The following AS3MT variants were observed in gnomAD, a reference collection of about 807,000 sequenced individuals.
The protein encoded by AS3MT is arsenite methyltransferase.
Under a neutral mutation model 45.3 loss-of-function variants are expected in AS3MT, and 47 were observed. The observed-to-expected ratio is 1.04, with a 90% CI of 0.82 to 1.32. AS3MT has a LOEUF of 1.32. Ranked by LOEUF, AS3MT falls within the 40% of genes most tolerant of loss-of-function variation. The pLI is 0.00. For synonymous variants in AS3MT, 141 were observed against 152.8 expected (o/e 0.92, Z 0.57); for missense variants, 396 against 451.1 (o/e 0.88, Z 1.11).
At position 102,872,611 on chromosome 10, in the gene AS3MT, T is replaced by C; in HGVS notation, c.321+13T>C. ...GACCAAAGGCCAGGTGAGGCATGAT[T>C]TGGAAGACAAGGAGAAAAAGATTCT... On this transcript the variant is annotated intron_variant, in intron 4 of 10. Coordinates refer to ENST00000369880, the MANE Select transcript of AS3MT (RefSeq NM_020682.4). 6.3e-7 allele frequency: 1 copy of C among 1,579,264 alleles called. No homozygotes were observed. Among genetic ancestry groups the C allele is most frequent in the Non-Finnish European group, 8.6e-7 (1 of 1,167,688 alleles).
At chr10:102,883,395 C>T (rs1844898154) in intron 9 of AS3MT, among the ~76,000 whole-genome samples, 1 of 151,886 alleles carries the variant, frequency 6.6e-6, no homozygotes, top group South Asian at 2.1e-4. Flanking sequence ...GCCACTGTGC[C>T]CAGCCAGAAA....
chr10:102,869,618 G>T (rs1039182731), intron 1 of AS3MT, 25 bp downstream of exon 1: 3 of 1,100,752 alleles, frequency 2.7e-6, no homozygotes, highest in Admixed American at 4.4e-5. Context: ...TGGGCGCCCC[G>T]CCCCAGCCCC....
rs34028617 is a variant in AS3MT at position 102,872,430 on chromosome 10, G to A, written c.171-18G>A. 2,349 of 1,612,852 alleles carry A rather than the reference G, an allele frequency of 1.5e-3. 3 individuals carry two copies. The highest frequency in any genetic ancestry group is 1.8e-3 in the Non-Finnish European group (2,164 of 1,179,548). On this transcript the variant is annotated intron_variant, in intron 3 of 10. Coordinates refer to ENST00000369880, the MANE Select transcript of AS3MT (RefSeq NM_020682.4). ...CTTACAGTCTCCAGGGAAAAAATAT[G>A]TGTTTTCCATTTCCCAGATATTATG... is the stretch of plus-strand genomic sequence containing the variant.
chr10:102,880,235 T>C (rs1167553743), intron 9 of AS3MT, among the ~76,000 whole-genome samples: 6 of 152,198 alleles, frequency 3.9e-5, no homozygotes, highest in South Asian at 2.1e-4. Context: ...TTTCTCAAAA[T>C]GGAAAAGTTC....
chr10:102,874,137 C>G (rs1418161519), intron 5 of AS3MT, among the ~76,000 whole-genome samples: 1 of 152,026 alleles, frequency 6.6e-6, no homozygotes, highest in Admixed American at 6.5e-5. Flanking sequence ...CCTGTAATCC[C>G]AGCTATTTAG....
At chr10:102,887,219 G>T (rs1043095399) in intron 9 of AS3MT, among the ~76,000 whole-genome samples, 13 of 152,130 alleles carry the variant, frequency 8.5e-5, no homozygotes, top group African/African-American at 3.1e-4. Flanking sequence ...TTCTGAATTT[G>T]TTAAGACTTG....
intron 3 of AS3MT, among the ~76,000 whole-genome samples, chr10:102,871,812 C>T (rs1844694082): frequency 6.6e-6 from 1 of 152,144 alleles, no homozygotes; most frequent in South Asian, 2.1e-4. Context: ...TCCTCAATAA[C>T]TAGCGCAGTC....
chr10:102,886,854 C>A (rs1489584404), intron 9 of AS3MT, among the ~76,000 whole-genome samples: 1 of 152,122 alleles, frequency 6.6e-6, no homozygotes, highest in African/African-American at 2.4e-5. Flanking sequence ...TGGGCTCAAG[C>A]AATCCACCTG....
At position 102,869,755 on chromosome 10, in the gene AS3MT, C is replaced by T. The variant is rs201940019; in HGVS notation, c.2-50C>T. ...CCCTTTACTGGCCCCCTCCCTCATG[C>T]CCGTCCCTCAGCACCCTCTCCTTTC... On this transcript the variant is annotated intron_variant, in intron 1 of 10. Transcript: ENST00000369880. 1.9e-5 allele frequency: 31 copies of T among 1,613,506 alleles called. No individual in the cohort carries two copies. The African/African-American group carries it at 4.1e-4, about 21-fold the overall frequency.
chr10:102,883,187 G>C (rs908102015), intron 9 of AS3MT, among the ~76,000 whole-genome samples: 4 of 150,560 alleles, frequency 2.7e-5, no homozygotes, highest in African/African-American at 4.9e-5. Flanking sequence ...TGCAACCTCA[G>C]CCTCCCTGGT....
Position 102,870,091 on chromosome 10 carries a change from A to G in AS3MT, c.50A>G (p.Tyr17Cys). ...AEIQKDVQTY[Y>C]GQVLKRSADL... ...TGTGGGACGCTGGGTCAGACCTACTACGGGCAGGTGCTGAAGAGATCGGCA... is the reference window on the plus strand; with the variant it reads ...TGTGGGACGCTGGGTCAGACCTACTGCGGGCAGGTGCTGAAGAGATCGGCA... The change falls in exon 3 of 11, where the codon TAC (tyrosine) becomes TGC (cysteine). Residue 17 changes from tyrosine (Y) to cysteine (C), a missense_variant. By Grantham distance (194) the Tyr-to-Cys change is radical. Transcript: ENST00000369880. 1 of 1,613,856 alleles carries G rather than the reference A, an allele frequency of 6.2e-7. No individual in the cohort carries two copies. Among genetic ancestry groups the G allele is most frequent in the Non-Finnish European group, 8.5e-7 (1 of 1,179,998 alleles).
Position 102,869,517 on chromosome 10 carries a change from A to G in AS3MT, c.-76A>G. 1 of 1,376,590 alleles carries G rather than the reference A, an allele frequency of 7.3e-7. No homozygotes were observed. Among genetic ancestry groups the G allele is most frequent in the Non-Finnish European group, 9.4e-7 (1 of 1,064,822 alleles). 85.3% of individuals were successfully genotyped at this position (1,376,590 alleles called of 1,614,324 possible). On this transcript the variant is annotated 5_prime_UTR_variant, in exon 1 of 11. Coordinates refer to ENST00000369880, the MANE Select transcript of AS3MT (RefSeq NM_020682.4). ...CGCCGTCCTGAGTCGCAGGCCGAGGAGACAGTGAGTGCGCGCCCTGAGTCG... is the reference window on the plus strand; with the variant it reads ...CGCCGTCCTGAGTCGCAGGCCGAGGGGACAGTGAGTGCGCGCCCTGAGTCG...
Position 102,870,207 on chromosome 10 carries a change from C to T in AS3MT, c.166C>T (p.Leu56=), listed in dbSNP as rs1393279044. The T allele has an allele frequency of 6.8e-6, 11 of 1,614,044 alleles. No individual in the cohort carries two copies. The highest frequency in any genetic ancestry group is 5.0e-5 in the Admixed American group (3 of 59,992). ...ALQNVHEEVA[L]RYYGCGLVIP... ...GCAAAATGTACACGAAGAAGTAGCC[C>T]TAAGGTAGAGTGCCCTGTGCTGTCC... The change falls in exon 3 of 11, where the codon CTA becomes TTA. Residue 56 remains leucine (L), a synonymous_variant. Transcript: ENST00000369880.
At position 102,869,801 on chromosome 10, in the gene AS3MT, A is replaced by G. The variant is rs748648745; in HGVS notation, c.2-4A>G. 1.9e-6 allele frequency: 3 copies of G among 1,614,042 alleles called. No individual in the cohort carries two copies. Among genetic ancestry groups the G allele is most frequent in the Non-Finnish European group, 1.7e-6 (2 of 1,180,004 alleles). ...CTTTCAACTAACTTTCCCGCTCCCG[A>G]CAGTGGCTGCACTTCGTGACGCTGA... On this transcript the variant is annotated splice_polypyrimidine_tract_variant and splice_region_variant and intron_variant, in intron 1 of 10. Transcript: ENST00000369880.
chr10:102,893,774 T>G (rs778551988), intron 10 of AS3MT, among the ~76,000 whole-genome samples: 139 of 151,944 alleles, frequency 9.1e-4, no homozygotes, highest in Non-Finnish European at 1.5e-3. Flanking sequence ...GCTGGGATTA[T>G]AGGCATGAGC....
At chr10:102,869,957 A>G in intron 2 of AS3MT, 112 bp downstream of exon 2, 1 of 1,563,860 alleles carries the variant, frequency 6.4e-7, no homozygotes, top group Non-Finnish European at 8.7e-7. Context: ...GGCAGGGTCT[A>G]GGCTTCGACC....
intron 10 of AS3MT, among the ~76,000 whole-genome samples, chr10:102,893,725 T>C (rs1182438252): frequency 1.3e-5 from 2 of 152,054 alleles, no homozygotes; most frequent in Non-Finnish European, 2.9e-5. Flanking sequence ...GGTCTCGAAC[T>C]CCTTACCTCA....
chr10:102,870,661 T>G (rs1014358796), intron 3 of AS3MT, among the ~76,000 whole-genome samples: 1 of 152,192 alleles, frequency 6.6e-6, no homozygotes, highest in African/African-American at 2.4e-5. Context: ...ATTCAAGATA[T>G]GCGCAGTTCA....
intron 3 of AS3MT, 122 bp downstream of exon 3, chr10:102,870,333 TA>T (rs1844656881): frequency 1.6e-6 from 2 of 1,279,438 alleles, no homozygotes; most frequent in Non-Finnish European, 2.2e-6. Context: ...TTGTCTATTG[TA>T]AAAATCCTAA....
Sources: gnomAD v4.1 joint callset for allele counts (sites outside exome capture counted in the v4.1 genomes callset) on GRCh38, gnomAD v4.1.1 for gene constraint, MANE v1.5 for transcripts, NCBI Gene and HGNC (gene_info 2026-07-23, HGNC 2026-07-21) for gene names.